The following LGI2 variants were observed in gnomAD, a reference collection of about 807,000 sequenced individuals.
LGI2 encodes the protein leucine-rich repeat LGI family member 2.
Under a neutral mutation model 52.0 loss-of-function variants are expected in LGI2, and 30 were observed. The observed-to-expected ratio is 0.58, with a 90% CI of 0.43 to 0.78. LGI2 has a LOEUF of 0.78. Ranked by LOEUF, LGI2 falls within the 30% of genes least tolerant of loss-of-function variation. LGI2 has a pLI of 0.00. For synonymous variants in LGI2, 270 were observed against 271.8 expected (o/e 0.99, Z 0.06); for missense variants, 573 against 692.5 (o/e 0.83, Z 1.94).
At chr4:25,011,866 T>C (rs2109411681) in intron 7 of LGI2, among the ~76,000 whole-genome samples, 1 of 152,258 alleles carries the variant, frequency 6.6e-6, no homozygotes, top group South Asian at 2.1e-4. Context: ...ATGTACTTAC[T>C]AAAAGAAAGC....
intron 7 of LGI2, among the ~76,000 whole-genome samples, chr4:25,009,055 TGTTTGACCCG>T (rs1725485436): frequency 6.6e-6 from 1 of 152,190 alleles, no homozygotes; most frequent in African/African-American, 2.4e-5. Flanking sequence ...TAAAAGACTA[TGTTTGACCCG>T]GTAGCTGGAC....
chr4:25,014,308 T>C (rs1725678575), intron 6 of LGI2, among the ~76,000 whole-genome samples: 1 of 152,238 alleles, frequency 6.6e-6, no homozygotes, highest in Non-Finnish European at 1.5e-5. Context: ...AAAGGAGTTG[T>C]CACAGTGCAG....
At chr4:25,019,117 T>A (rs768762198) in intron 5 of LGI2, 50 bp downstream of exon 5, 1 of 1,127,364 alleles carries the variant, frequency 8.9e-7, no homozygotes. Flanking sequence ...AAAGACATGA[T>A]TAACTGGGGC....
chr4:25,029,509 G>C (rs1433088128), intron 1 of LGI2, among the ~76,000 whole-genome samples: 2 of 152,222 alleles, frequency 1.3e-5, no homozygotes, highest in African/African-American at 2.4e-5. Context: ...CTCCACCACT[G>C]ACTGGGCACC....
Position 25,010,940 on chromosome 4 carries a change from G to A in LGI2, c.820+1395C>T, listed in dbSNP as rs145938880. On this transcript the variant is annotated intron_variant, in intron 7 of 7. Coordinates refer to ENST00000382114, the MANE Select transcript of LGI2 (RefSeq NM_018176.4). ...TCTACAAAAAACAAAAAATTAGCTG[G>A]GTGCAGTGGTGTGTGCCTGTAGTCC... Among the ~76,000 whole-genome samples the A allele has an allele frequency of 2.8e-4, 42 of 152,064 alleles. No individual in the cohort carries two copies. The East Asian group carries it at 6.8e-3, about 25-fold the overall frequency.
rs574534398 is a variant in LGI2, at chr4:25,004,958, C to A, written c.821-690G>T. ...ACATAAAATGGAATATTATTCAGCC[C>A]TAAAAGGAGGAAAATTCTGACATAT... On this transcript the variant is annotated intron_variant, in intron 7 of 7. Coordinates refer to ENST00000382114, the MANE Select transcript of LGI2 (RefSeq NM_018176.4). The surrounding 1 kb of genome is among the most constrained non-coding windows in gnomAD (Gnocchi z 4.6). Among the ~76,000 whole-genome samples, 44 of 152,210 alleles carry A rather than the reference C, an allele frequency of 2.9e-4. No homozygotes were observed. Among genetic ancestry groups the A allele is most frequent in the African/African-American group, 1.1e-3 (44 of 41,536 alleles).
Position 25,030,583 on chromosome 4 carries a change from G to A in LGI2, c.111C>T (p.Pro37=), listed in dbSNP as rs1341343529. 15 of 1,573,102 alleles carry A rather than the reference G, an allele frequency of 9.5e-6. No individual in the cohort carries two copies. Among genetic ancestry groups the A allele is most frequent in the East Asian group, 4.7e-5 (2 of 42,860 alleles). The change falls in exon 1 of 8, where the codon CCC becomes CCT. Residue 37 remains proline (P), a synonymous_variant. Coordinates refer to ENST00000382114, the MANE Select transcript of LGI2 (RefSeq NM_018176.4). The stretch of plus-strand genomic sequence containing the variant: ...ACTCCTTGGTACAGCTGCAAGTGGC[G>A]GGGCAGCGCGCCAGCCGCCTCACCT... ...SAQVRRLARC[P]ATCSCTKESI... is the part of the protein sequence containing the mutation.
At chr4:25,013,276 G>A (rs779729229) in intron 6 of LGI2, among the ~76,000 whole-genome samples, 18 of 152,184 alleles carry the variant, frequency 1.2e-4, no homozygotes, top group Non-Finnish European at 1.6e-4. Flanking sequence ...ACTGTGAGGC[G>A]GCTGGCCTTG....
intron 1 of LGI2, among the ~76,000 whole-genome samples, chr4:25,030,184 A>G (rs1726284595): frequency 6.6e-6 from 1 of 152,190 alleles, no homozygotes; most frequent in South Asian, 2.1e-4. Flanking sequence ...ACTCCACTCC[A>G]AAGACTGCTT....
chr4:25,029,795 C>G (rs1241207087), intron 1 of LGI2, among the ~76,000 whole-genome samples: 1 of 152,246 alleles, frequency 6.6e-6, no homozygotes, highest in Non-Finnish European at 1.5e-5. Context: ...AGAAGGCTGA[C>G]TTCAAAGCAC....
intron 4 of LGI2, among the ~76,000 whole-genome samples, chr4:25,020,022 G>A (rs2109419871): frequency 6.6e-6 from 1 of 151,964 alleles, no homozygotes; most frequent in Middle Eastern, 3.4e-3. Flanking sequence ...GATAAAAGAA[G>A]ATTTACAGTC....
At chr4:25,027,490 G>T (rs1288102093) in intron 2 of LGI2, among the ~76,000 whole-genome samples, 1 of 151,612 alleles carries the variant, frequency 6.6e-6, no homozygotes. Flanking sequence ...ACTGGCAAAA[G>T]AATACCTAAA....
chr4:25,004,523 T>C lies in LGI2; in HGVS notation c.821-255A>G, dbSNP rs990432422. Among the ~76,000 whole-genome samples, 1 of 152,214 alleles carries C rather than the reference T, an allele frequency of 6.6e-6. No homozygotes were observed. The highest frequency in any genetic ancestry group is 1.5e-5 in the Non-Finnish European group (1 of 68,034). On this transcript the variant is annotated intron_variant, in intron 7 of 7. Coordinates refer to ENST00000382114, the MANE Select transcript of LGI2 (RefSeq NM_018176.4). This position sits in a 1 kb window ranked among gnomAD's most constrained non-coding sequence, Gnocchi z 4.6. ...ACACCTAATGCTATAGACCAAATGT[T>C]TGTGCTCTCTCCAAATGCATATGAT...
intron 2 of LGI2, among the ~76,000 whole-genome samples, chr4:25,028,227 T>C (rs540612463): frequency 6.6e-6 from 1 of 152,336 alleles, no homozygotes; most frequent in African/African-American, 2.4e-5. Context: ...TTTCAGGTCA[T>C]GAGTCAATGC....
At chr4:25,019,142 A>T (rs760389993) in intron 5 of LGI2, 25 bp downstream of exon 5, 1 of 1,422,186 alleles carries the variant, frequency 7.0e-7, no homozygotes, top group Non-Finnish European at 9.9e-7. Flanking sequence ...TGACAAACAC[A>T]CATAAACTAA....
At chr4:25,019,319 AC>A (rs757533409) in intron 4 of LGI2, 81 bp from the exon 5 acceptor site, 28 of 879,294 alleles carry the variant, frequency 3.2e-5, no homozygotes, top group Non-Finnish European at 4.6e-5. Context: ...AAAGCTGTTG[AC>A]TTATAGCACG....
chr4:24,998,095 C>T (rs185388537), downstream of LGI2, among the ~76,000 whole-genome samples: 58 of 152,194 alleles, frequency 3.8e-4, no homozygotes, highest in African/African-American at 1.3e-3. Context: ...AAGCTGGTCT[C>T]CAACTCCTGG....
At chr4:25,028,301 G>C (rs1193902232) in intron 2 of LGI2, among the ~76,000 whole-genome samples, 1 of 152,184 alleles carries the variant, frequency 6.6e-6, no homozygotes, top group African/African-American at 2.4e-5. Context: ...GAAGAAAACA[G>C]GTATCGAACT....
At chr4:25,016,613 C>A (rs574731750) in intron 6 of LGI2, among the ~76,000 whole-genome samples, 48 of 152,294 alleles carry the variant, frequency 3.2e-4, no homozygotes, top group African/African-American at 1.1e-3. Flanking sequence ...AAAGTCATTT[C>A]TGTGAGATTG....
Sources: gnomAD v4.1 joint callset for allele counts (sites outside exome capture counted in the v4.1 genomes callset) on GRCh38, gnomAD v4.1.1 for gene constraint, Gnocchi (gnomAD v3.1) non-coding constraint, MANE v1.5 for transcripts, NCBI Gene and HGNC (gene_info 2026-07-23, HGNC 2026-07-21) for gene names.